The following TBC1D4 variants were observed in gnomAD, a reference collection of about 807,000 sequenced individuals.
The protein encoded by TBC1D4 is TBC (Tre-2, BUB2, CDC16) domain-containing protein.
A neutral mutation model predicts 142.5 loss-of-function variants in TBC1D4; 121 were observed. The ratio of observed to expected loss-of-function variants is 0.85; its 90% CI spans 0.73 to 0.99. TBC1D4 has a LOEUF of 0.99. Among genes scored for constraint, TBC1D4 ranks in the 50% least tolerant of loss-of-function variants. TBC1D4 has a pLI of 0.00. For synonymous variants in TBC1D4, 630 were observed against 628.2 expected (o/e 1.00, Z -0.04); for missense variants, 1,475 against 1,606.6 (o/e 0.92, Z 1.40).
intron 1 of TBC1D4, among the ~76,000 whole-genome samples, chr13:75,421,975 G>A (rs776096917): frequency 6.6e-6 from 1 of 152,146 alleles, no homozygotes; most frequent in Non-Finnish European, 1.5e-5. Flanking sequence ...ACTGGAGTTT[G>A]TTTTTTCAAC....
intron 1 of TBC1D4, among the ~76,000 whole-genome samples, chr13:75,404,703 A>G (rs4280128): frequency 0.53 from 80,852 of 152,104 alleles, 26,388 homozygotes; most frequent in East Asian, 0.97. Flanking sequence ...GCGAGGGACT[A>G]CGGATAATTC....
rs1363274365 is a variant in TBC1D4, at chr13:75,341,496, C to T, written c.1500G>A (p.Gln500=). The T allele has an allele frequency of 6.2e-7, 1 of 1,613,462 alleles. No individual in the cohort carries two copies. Among genetic ancestry groups the T allele is most frequent in the Admixed American group, 1.7e-5 (1 of 60,004 alleles). ...NEQADIFERV[Q]KMKPVSDQEE... ...TTATGAGACCTACAAATAATGTTACCTGAACTCTTTCAAAGATGTCAGCTT... is the reference window on the plus strand; with the variant it reads ...TTATGAGACCTACAAATAATGTTACTTGAACTCTTTCAAAGATGTCAGCTT... The change falls in exon 6 of 21, where the codon CAG becomes CAA. Residue 500 remains glutamine (Q), a splice_region_variant and synonymous_variant. Coordinates refer to ENST00000377636, the MANE Select transcript of TBC1D4 (RefSeq NM_014832.5).
In TBC1D4 at chr13:75,481,853, G is replaced by A; in HGVS notation, c.-86C>T. On this transcript the variant is annotated 5_prime_UTR_variant, in exon 1 of 21. Transcript: ENST00000377636. ...GCGCAGAAGGCGCCGCCGAAACTGT[G>A]CCAACTGCCGCACCGGGCTCCCGCG... The A allele has an allele frequency of 2.9e-6, 4 of 1,390,136 alleles. No homozygotes were observed. Among genetic ancestry groups the A allele is most frequent in the South Asian group, 3.3e-5 (2 of 59,846 alleles). The allele number at this position is 1,390,136 out of a possible 1,614,324, so 86.1% of individuals were successfully genotyped here. A position where few individuals can be genotyped will look rare whatever the true frequency, so the allele number is the denominator to read the frequency against.
chr13:75,309,030 C>T (rs1241451558), intron 14 of TBC1D4, among the ~76,000 whole-genome samples: 1 of 151,906 alleles, frequency 6.6e-6, no homozygotes, highest in Non-Finnish European at 1.5e-5. Context: ...TATGAAAGAC[C>T]ACAAAATAAA....
chr13:75,317,781 T>A lies in TBC1D4; in HGVS notation c.2222+2233A>T, dbSNP rs374792885. ...TGGAGAACTCCCACCCATTTTTGAC[T>A]GGTATATTGTATATATACTCCCTCT... is the stretch of plus-strand genomic sequence containing the variant. On this transcript the variant is annotated intron_variant, in intron 12 of 20. Coordinates refer to ENST00000377636, the MANE Select transcript of TBC1D4 (RefSeq NM_014832.5). Among the ~76,000 whole-genome samples the A allele has an allele frequency of 7.9e-5, 12 of 152,340 alleles. No homozygotes were observed. In the East Asian group the frequency reaches 2.1e-3, roughly 27 times the overall value.
chr13:75,428,209 C>T (rs1301202307), intron 1 of TBC1D4, among the ~76,000 whole-genome samples: 1 of 152,072 alleles, frequency 6.6e-6, no homozygotes, highest in Non-Finnish European at 1.5e-5. Context: ...AGGGATGAAA[C>T]AAGCAAAGCT....
intron 17 of TBC1D4, among the ~76,000 whole-genome samples, chr13:75,298,694 A>T (rs947783190): frequency 1.2e-4 from 18 of 152,170 alleles, no homozygotes; most frequent in Non-Finnish European, 2.5e-4. Context: ...CAGAGATTGC[A>T]GTGAGCCGAG....
At chr13:75,374,408 A>T (rs1184721482) in intron 1 of TBC1D4, among the ~76,000 whole-genome samples, 4 of 152,178 alleles carry the variant, frequency 2.6e-5, no homozygotes, top group Non-Finnish European at 2.9e-5. Flanking sequence ...CTTAAATGTC[A>T]AATTTTAACT....
chr13:75,441,689 AC>A (rs916368709), intron 1 of TBC1D4, among the ~76,000 whole-genome samples: 2 of 152,218 alleles, frequency 1.3e-5, no homozygotes, highest in African/African-American at 2.4e-5. Context: ...AAAATTTTGA[AC>A]CAATTTAAAA....
intron 1 of TBC1D4, among the ~76,000 whole-genome samples, chr13:75,477,797 T>G (rs1888679910): frequency 6.6e-6 from 1 of 152,246 alleles, no homozygotes; most frequent in Non-Finnish European, 1.5e-5. Context: ...GTAATTCACT[T>G]CATGCCAATG....
chr13:75,481,491 A>T lies in TBC1D4; in HGVS notation c.277T>A (p.Cys93Ser), dbSNP rs757513744. The change falls in exon 1 of 21, where the codon TGC becomes AGC. Residue 93 changes from cysteine (C) to serine (S), a missense_variant. This residue lies in a region of TBC1D4 where 1,227 missense variants were observed against 1,267.7 expected (regional missense o/e 0.97). Transcript: ENST00000377636. ...ILVLSAPFLRCVPAPGAGASG... is the reference protein window; with the variant it reads ...ILVLSAPFLRSVPAPGAGASG... ...GCCCCAGCGCCCGGCGCGGGGACGC[A>T]ACGCAGGAAGGGCGCGCTGAGCACC... 1.2e-6 allele frequency: 2 copies of T among 1,612,074 alleles called. No homozygotes were observed. Among genetic ancestry groups the T allele is most frequent in the Non-Finnish European group, 1.7e-6 (2 of 1,179,106 alleles).
chr13:75,400,379 G>A (rs966279030), intron 1 of TBC1D4, among the ~76,000 whole-genome samples: 29 of 151,270 alleles, frequency 1.9e-4, no homozygotes, highest in Non-Finnish European at 1.8e-4. Flanking sequence ...ATTTACCACC[G>A]CCACTACTTC....
intron 1 of TBC1D4, among the ~76,000 whole-genome samples, chr13:75,370,451 G>C (rs1001461172): frequency 8.5e-5 from 13 of 152,302 alleles, no homozygotes; most frequent in African/African-American, 3.1e-4. Flanking sequence ...CACTCATCCA[G>C]GGTGAGCCAT....
intron 1 of TBC1D4, 54 bp downstream of exon 1, chr13:75,481,216 T>G: frequency 2.9e-5 from 22 of 771,566 alleles, no homozygotes; most frequent in Non-Finnish European, 4.1e-5. Flanking sequence ...CCCGCCCTGC[T>G]CCCCGATCCC....
intron 8 of TBC1D4, 115 bp downstream of exon 8, chr13:75,336,806 G>GT (rs147812027): frequency 9.1e-3 from 10,646 of 1,169,952 alleles, no homozygotes; most frequent in Non-Finnish European, 9.8e-3. Context: ...GTTATCTTAG[G>GT]TTTTTTTTTT....
At chr13:75,325,773 G>A (rs1879183237) in intron 10 of TBC1D4, among the ~76,000 whole-genome samples, 1 of 152,092 alleles carries the variant, frequency 6.6e-6, no homozygotes, top group South Asian at 2.1e-4. Context: ...ATTATCTCAT[G>A]TATGAAAGTA....
At chr13:75,412,147 C>G (rs767353420) in intron 1 of TBC1D4, among the ~76,000 whole-genome samples, 1 of 152,218 alleles carries the variant, frequency 6.6e-6, no homozygotes, top group South Asian at 2.1e-4. Context: ...TTGGGCTATA[C>G]CCTCCCAATT....
At chr13:75,318,480 G>A (rs371530038) in intron 12 of TBC1D4, among the ~76,000 whole-genome samples, 4 of 152,260 alleles carry the variant, frequency 2.6e-5, no homozygotes, top group African/African-American at 4.8e-5. Context: ...CTATTGAACC[G>A]AAAGCTGAAA....
At chr13:75,389,817 T>G (rs1477463583) in intron 1 of TBC1D4, among the ~76,000 whole-genome samples, 3 of 152,266 alleles carry the variant, frequency 2.0e-5, no homozygotes, top group Middle Eastern at 6.8e-3. Flanking sequence ...TAGTCAGATG[T>G]GGACAAGGAC....
Sources: allele counts gnomAD v4.1 joint callset (sites outside exome capture counted in the v4.1 genomes callset), GRCh38; gene constraint gnomAD v4.1.1; regional missense constraint gnomAD v4.1.1; transcripts MANE v1.5; gene names NCBI Gene and HGNC (gene_info 2026-07-23, HGNC 2026-07-21).